The following STK31 variants were observed in gnomAD, a reference collection of about 807,000 sequenced individuals.
STK31 encodes the protein serine/threonine kinase 31, also known as serine/threonine-protein kinase 31.
A neutral mutation model predicts 129.7 loss-of-function variants in STK31; 89 were observed. The ratio of observed to expected loss-of-function variants is 0.69; its 90% CI spans 0.58 to 0.82. The LOEUF (loss-of-function observed/expected upper bound fraction) is 0.82, where lower values mean the gene tolerates loss of function less well. STK31 is among the 40% of genes least tolerant of loss of function. The pLI, the probability that STK31 is intolerant of heterozygous loss-of-function variation, is 0.00. For synonymous variants in STK31, 448 were observed against 395.3 expected, an observed-to-expected ratio of 1.13 and a Z score of -1.58; for missense variants, 1,187 against 1,176.4, an observed-to-expected ratio of 1.01 and a Z score of -0.13.
At chr7:23,738,456 C>G (rs1787850533) in intron 8 of STK31, among the ~76,000 whole-genome samples, 1 of 152,180 alleles carries the variant, frequency 6.6e-6, no homozygotes, top group Non-Finnish European at 1.5e-5. Context: ...GGTGTAATTT[C>G]TGCTCACTGC....
At chr7:23,808,970 T>TGTGTGTGTGTGTGTGTGTGCGCGC (rs60631283) in intron 22 of STK31, among the ~76,000 whole-genome samples, 247 of 139,656 alleles carry the variant, frequency 1.8e-3, no homozygotes, top group African/African-American at 2.2e-3. Context: ...TGTGTGTGTG[T>TGTGTGTGTGTGTGTGTGTGCGCGC]GCCTGTGTCT....
chr7:23,738,539 C>T (rs189102447), intron 8 of STK31, among the ~76,000 whole-genome samples: 3 of 152,166 alleles, frequency 2.0e-5, no homozygotes, highest in African/African-American at 7.2e-5. Flanking sequence ...AGGTATGTGC[C>T]CCATTCCTGG....
intron 23 of STK31, among the ~76,000 whole-genome samples, chr7:23,817,634 T>C (rs1266993265): frequency 6.6e-6 from 1 of 152,182 alleles, no homozygotes; most frequent in African/African-American, 2.4e-5. Context: ...AGAGGATAAT[T>C]AATACACCCT....
intron 23 of STK31, among the ~76,000 whole-genome samples, chr7:23,816,106 G>A (rs1261325474): frequency 1.3e-5 from 2 of 151,996 alleles, no homozygotes; most frequent in African/African-American, 4.8e-5. Context: ...ATGATATTAA[G>A]GAGCTTTGCC....
chr7:23,756,739 T>G (rs756310447), intron 10 of STK31, among the ~76,000 whole-genome samples: 8 of 152,350 alleles, frequency 5.3e-5, no homozygotes, highest in Non-Finnish European at 8.8e-5. Context: ...CTGCATCTAT[T>G]GAGATAGTCA....
At chr7:23,719,895 A>G (rs1486059586) in intron 4 of STK31, among the ~76,000 whole-genome samples, 1 of 152,162 alleles carries the variant, frequency 6.6e-6, no homozygotes, top group African/African-American at 2.4e-5. Flanking sequence ...AAATCTGAGC[A>G]ACTACTGTAA....
At chr7:23,745,322 ACT>A (rs1350173746) in intron 8 of STK31, among the ~76,000 whole-genome samples, 1 of 151,712 alleles carries the variant, frequency 6.6e-6, no homozygotes, top group African/African-American at 2.4e-5. Flanking sequence ...GTGAGTGCAG[ACT>A]CTGATTGCGG....
intron 15 of STK31, among the ~76,000 whole-genome samples, chr7:23,777,717 C>G (rs1290846589): frequency 3.3e-5 from 5 of 151,926 alleles, no homozygotes; most frequent in Admixed American, 3.3e-4. Context: ...TTATTTTGAG[C>G]CTATGGTGTG....
At chr7:23,724,145 C>T (rs1023862022) in intron 4 of STK31, among the ~76,000 whole-genome samples, 4 of 152,182 alleles carry the variant, frequency 2.6e-5, no homozygotes, top group African/African-American at 9.6e-5. Flanking sequence ...CTAAATCCTT[C>T]ATTATAATTA....
intron 6 of STK31, among the ~76,000 whole-genome samples, chr7:23,733,392 T>C: frequency 7.3e-6 from 1 of 136,320 alleles, no homozygotes; most frequent in Non-Finnish European, 1.6e-5. Flanking sequence ...TCTAAAAAAT[T>C]CTTTTTTTTT....
intron 6 of STK31, among the ~76,000 whole-genome samples, chr7:23,732,073 C>T (rs1450296001): frequency 1.3e-5 from 2 of 152,056 alleles, no homozygotes; most frequent in Non-Finnish European, 2.9e-5. Context: ...CTTTCGGAGG[C>T]TGAAGTGGGT....
At chr7:23,748,617 A>G (rs1039585208) in intron 8 of STK31, among the ~76,000 whole-genome samples, 5 of 152,174 alleles carry the variant, frequency 3.3e-5, no homozygotes, top group Admixed American at 6.5e-5. Context: ...AGCCTGCTCA[A>G]TGTGAAGATG....
chr7:23,717,973 T>G (rs1240347755), intron 4 of STK31, among the ~76,000 whole-genome samples: 2 of 152,114 alleles, frequency 1.3e-5, no homozygotes, highest in Non-Finnish European at 1.5e-5. Flanking sequence ...GTGTAGAGTT[T>G]CAGTTTTACA....
At chr7:23,742,811 A>C (rs941986325) in intron 8 of STK31, among the ~76,000 whole-genome samples, 8 of 151,800 alleles carry the variant, frequency 5.3e-5, no homozygotes, top group Non-Finnish European at 8.8e-5. Context: ...TGGAAAAGGC[A>C]CACACTATCT....
At chr7:23,763,952 G>A (rs1789645080) in intron 11 of STK31, among the ~76,000 whole-genome samples, 1 of 151,952 alleles carries the variant, frequency 6.6e-6, no homozygotes, top group Non-Finnish European at 1.5e-5. Context: ...AGCTAATATC[G>A]ATCTTGTTGT....
intron 4 of STK31, among the ~76,000 whole-genome samples, chr7:23,719,284 G>C (rs1786536772): frequency 1.3e-5 from 2 of 152,100 alleles, no homozygotes; most frequent in South Asian, 4.2e-4. Flanking sequence ...AAAATCTACT[G>C]TACACTTTGC....
chr7:23,758,451 G>T (rs74655186), intron 10 of STK31, among the ~76,000 whole-genome samples: 10 of 150,120 alleles, frequency 6.7e-5, no homozygotes, highest in South Asian at 6.3e-4. Flanking sequence ...TGTTTTTTTT[G>T]TGTGTGTGTG....
chr7:23,736,960 T>C lies in STK31; in HGVS notation c.899T>C (p.Ile300Thr). The C allele has an allele frequency of 6.2e-7, 1 of 1,613,030 alleles. No individual in the cohort carries two copies. The highest frequency in any genetic ancestry group is 1.1e-5 in the South Asian group (1 of 90,884). ...GGGTCTAACGTCAGCCTGGAAAAAA[T>C]TAAGCAGGACCAGAAACTGATTGAA... Reference protein sequence around the residue: ...NLGSNVSLEKIKQDQKLIEEN... With the variant: ...NLGSNVSLEKTKQDQKLIEEN... Residue 300 changes from isoleucine to threonine, a missense_variant, in exon 8 of 24, where the codon ATT becomes ACT. Physicochemically the swap from Ile to Thr is moderately conservative, Grantham distance 89. Around this residue, in one of 5 missense-constraint regions of STK31, gnomAD observed 975 missense variants for 934.9 expected, o/e 1.04. Transcript: ENST00000355870.
chr7:23,812,785 G>C (rs1258758895), intron 22 of STK31, among the ~76,000 whole-genome samples: 1 of 151,686 alleles, frequency 6.6e-6, no homozygotes, highest in African/African-American at 2.4e-5. Flanking sequence ...TTCTGATTTT[G>C]AGTTGTTTCA....
Sources: gnomAD v4.1 joint callset for allele counts (sites outside exome capture counted in the v4.1 genomes callset) on GRCh38, gnomAD v4.1.1 for gene constraint, gnomAD v4.1.1 regional missense constraint, MANE v1.5 for transcripts, NCBI Gene and HGNC (gene_info 2026-07-23, HGNC 2026-07-21) for gene names.